Variants in SOS1 observed in about 807,000 individuals in gnomAD.
SOS1 encodes son of sevenless homolog 1.
Under a neutral mutation model 157.6 loss-of-function variants are expected in SOS1, and 25 were observed. The ratio of observed to expected loss-of-function variants is 0.16; its 90% CI spans 0.12 to 0.22. SOS1 has a LOEUF of 0.22. SOS1 is among the 10% of genes least tolerant of loss of function. SOS1 has a pLI of 1.00. For synonymous variants in SOS1, 528 were observed against 534.0 expected, an observed-to-expected ratio of 0.99 and a Z score of 0.16; for missense variants, 1,237 against 1,599.1, an observed-to-expected ratio of 0.77 and a Z score of 3.86.
At position 39,023,082 on chromosome 2, in the gene SOS1, G is replaced by T. The variant is rs1299224105; in HGVS notation, c.1346C>A (p.Thr449Asn). The T allele has an allele frequency of 6.2e-7, 1 of 1,613,686 alleles. No homozygotes were observed. Among genetic ancestry groups the T allele is most frequent in the East Asian group, 2.2e-5 (1 of 44,868 alleles). The change falls in exon 10 of 23, where the codon ACT becomes AAT. Residue 449 changes from threonine to asparagine, a missense_variant. Thr to Asn is a moderately conservative substitution (Grantham distance 65, BLOSUM62 0). This residue lies in a region of SOS1 where 210 missense variants were observed against 220.2 expected (regional missense o/e 0.95). Transcript: ENST00000402219. ...QCCNEFIMEGTLTRVGAKHER... is the reference protein window; with the variant it reads ...QCCNEFIMEGNLTRVGAKHER... ...ATGTTTGGCTCCTACACGTGTAAGAGTTCCTTCCATTATAAATTCATTACA... is the reference window on the plus strand; with the variant it reads ...ATGTTTGGCTCCTACACGTGTAAGATTTCCTTCCATTATAAATTCATTACA...
intron 6 of SOS1, among the ~76,000 whole-genome samples, chr2:39,045,313 T>C (rs1179679387): frequency 2.3e-5 from 3 of 132,598 alleles, no homozygotes; most frequent in East Asian, 4.7e-4. Flanking sequence ...TAAAATCAAA[T>C]GTGTTAGTCT....
intron 6 of SOS1, among the ~76,000 whole-genome samples, chr2:39,042,180 A>C (rs1670594509): frequency 6.6e-6 from 1 of 152,170 alleles, no homozygotes; most frequent in Non-Finnish European, 1.5e-5. Flanking sequence ...ACAAGTACTT[A>C]AGGGGACAAG....
intron 8 of SOS1, among the ~76,000 whole-genome samples, chr2:39,030,355 G>C (rs1018080303): frequency 2.6e-5 from 4 of 151,804 alleles, no homozygotes; most frequent in African/African-American, 9.7e-5. Context: ...CTTGAGCCCA[G>C]GAGTTTGAGA....
intron 1 of SOS1, among the ~76,000 whole-genome samples, chr2:39,109,110 G>C (rs933372845): frequency 6.6e-6 from 1 of 152,048 alleles, no homozygotes; most frequent in Admixed American, 6.6e-5. Flanking sequence ...AAGGTGGGAG[G>C]ATTGCTGGAC....
chr2:39,073,398 A>T (rs1267820086), intron 1 of SOS1, among the ~76,000 whole-genome samples: 1 of 152,254 alleles, frequency 6.6e-6, no homozygotes, highest in Non-Finnish European at 1.5e-5. Context: ...GACACAGAAA[A>T]TTTCATATAC....
chr2:38,984,386 G>A lies in SOS1; in HGVS notation c.*1438C>T, dbSNP rs1478370522. 1 of 152,156 alleles carries A rather than the reference G, an allele frequency of 6.6e-6. No homozygotes were observed. The highest frequency in any genetic ancestry group is 1.5e-5 in the Non-Finnish European group (1 of 68,034). 9.4% of individuals were successfully genotyped at this position (152,156 alleles called of 1,614,324 possible). ...TCCATATTATGATAGTAATGATGCA[G>A]GTAGATGTTCTATTATGAATAGTTT... On this transcript the variant is annotated 3_prime_UTR_variant, in exon 23 of 23. Transcript: ENST00000402219.
intron 6 of SOS1, among the ~76,000 whole-genome samples, chr2:39,048,765 A>G (rs1171200366): frequency 3.3e-5 from 5 of 151,906 alleles, no homozygotes; most frequent in Non-Finnish European, 5.9e-5. Flanking sequence ...CTGTGTGTTT[A>G]TTTTTATTTG....
intron 4 of SOS1, among the ~76,000 whole-genome samples, chr2:39,055,750 T>G (rs995165107): frequency 6.6e-6 from 1 of 152,224 alleles, no homozygotes; most frequent in Non-Finnish European, 1.5e-5. Context: ...TCTGCAAAGT[T>G]GTTTTCATAA....
chr2:39,010,741 T>C, intron 14 of SOS1, 38 bp from the exon 15 acceptor site: 1 of 1,528,126 alleles, frequency 6.5e-7, no homozygotes, highest in Non-Finnish European at 9.1e-7. Flanking sequence ...TGACACTTTT[T>C]TCTCTAATAT....
chr2:39,043,876 C>G (rs371995289), intron 6 of SOS1, among the ~76,000 whole-genome samples: 127 of 152,312 alleles, frequency 8.3e-4, no homozygotes, highest in African/African-American at 3.0e-3. Context: ...AATATGGGGA[C>G]ACATTGAAAC....
At chr2:39,053,389 T>C (rs1485893613) in intron 5 of SOS1, among the ~76,000 whole-genome samples, 2 of 152,232 alleles carry the variant, frequency 1.3e-5, no homozygotes, top group Non-Finnish European at 2.9e-5. Context: ...GATGTGCTTT[T>C]TGGCCATTTT....
At position 39,051,236 on chromosome 2, in the gene SOS1, T is replaced by G. The variant is rs1671007017; in HGVS notation, c.772A>C (p.Lys258Gln). Residue 258 changes from lysine (K) to glutamine (Q), a missense_variant, in exon 6 of 23, where the codon AAG becomes CAG. Transcript: ENST00000402219. ...GTATCTTCTATATGGCCCAGTAACT[T>G]TACACTAAGTTCATGTATATCTACT... ...RIVDIHELSV[K>Q]LLGHIEDTVE... is the part of the protein sequence containing the mutation. 2.5e-6 allele frequency: 4 copies of G among 1,612,404 alleles called. No homozygotes were observed. The highest frequency in any genetic ancestry group is 1.3e-5 in the African/African-American group (1 of 75,018).
At chr2:39,025,949 T>C (rs182667395) in intron 8 of SOS1, among the ~76,000 whole-genome samples, 1 of 152,346 alleles carries the variant, frequency 6.6e-6, no homozygotes, top group Admixed American at 6.5e-5. Context: ...TGTTTAATAC[T>C]TAGCTTTTAT....
intron 10 of SOS1, 39 bp downstream of exon 10, chr2:39,022,531 C>T: frequency 5.9e-6 from 9 of 1,529,106 alleles, no homozygotes; most frequent in Non-Finnish European, 8.2e-6. Flanking sequence ...CAGTTTGAAG[C>T]AGGAAAACAA....
At chr2:39,018,764 A>G (rs1039295273) in intron 10 of SOS1, among the ~76,000 whole-genome samples, 1 of 151,776 alleles carries the variant, frequency 6.6e-6, no homozygotes, top group Non-Finnish European at 1.5e-5. Flanking sequence ...ACACTGTTAT[A>G]ATCAGGATGT....
intron 6 of SOS1, among the ~76,000 whole-genome samples, chr2:39,038,987 C>T (rs971577323): frequency 6.6e-6 from 1 of 151,962 alleles, no homozygotes; most frequent in Non-Finnish European, 1.5e-5. Flanking sequence ...CCCATTGTTG[C>T]TTATTATTTA....
chr2:39,048,367 C>T (rs1192573701), intron 6 of SOS1, among the ~76,000 whole-genome samples: 1 of 151,974 alleles, frequency 6.6e-6, no homozygotes, highest in East Asian at 1.9e-4. Context: ...ATAGTTCCTT[C>T]GCAAAATATT....
At chr2:39,006,909 CT>C in intron 16 of SOS1, 121 bp downstream of exon 16, 1 of 741,236 alleles carries the variant, frequency 1.3e-6, no homozygotes, top group South Asian at 1.6e-5. Context: ...ATAATTCAGT[CT>C]TTTAATCTAC....
intron 8 of SOS1, among the ~76,000 whole-genome samples, chr2:39,033,275 C>T (rs1308800667): frequency 6.7e-6 from 1 of 149,074 alleles, no homozygotes; most frequent in Non-Finnish European, 1.5e-5. Flanking sequence ...GACAAAATTT[C>T]CTGCCCAATA....
Sources: gnomAD v4.1 joint callset for allele counts (sites outside exome capture counted in the v4.1 genomes callset) on GRCh38, gnomAD v4.1.1 for gene constraint, gnomAD v4.1.1 regional missense constraint, MANE v1.5 for transcripts, NCBI Gene and HGNC (gene_info 2026-07-23, HGNC 2026-07-21) for gene names.